The following NTRK3 variants were observed in gnomAD, a reference collection of about 807,000 sequenced individuals.
The protein encoded by NTRK3 is neurotrophic receptor tyrosine kinase 3, also known as NT-3 growth factor receptor.
Under a neutral mutation model 91.7 loss-of-function variants are expected in NTRK3, and 24 were observed. That is an observed-to-expected ratio of 0.26 (90% CI 0.19 to 0.37). The LOEUF (loss-of-function observed/expected upper bound fraction) is 0.37, where lower values mean the gene tolerates loss of function less well. Ranked by LOEUF, NTRK3 falls within the 10% of genes least tolerant of loss-of-function variation. The pLI, the probability that NTRK3 is intolerant of heterozygous loss-of-function variation, is 1.00. For synonymous variants in NTRK3, 483 were observed against 404.0 expected, an observed-to-expected ratio of 1.20 and a Z score of -2.34; for missense variants, 880 against 1,068.9, an observed-to-expected ratio of 0.82 and a Z score of 2.46.
Position 88,235,049 on chromosome 15 carries a change from G to A in NTRK3, c.248+20857C>T, listed in dbSNP as rs2051568883. On this transcript the variant is annotated intron_variant, in intron 3 of 18. Coordinates refer to ENST00000394480, the Ensembl canonical transcript of NTRK3. The surrounding 1 kb of genome is among the most constrained non-coding windows in gnomAD (Gnocchi z 5.2). ...AAGCTGGACAATCCATTCTCCGAGA[G>A]CCCAGACGCCCTACCCTTACACAAA... 2.6e-5 allele frequency among the ~76,000 whole-genome samples: 4 copies of A among 152,158 alleles called. No individual in the cohort carries two copies. Among genetic ancestry groups the A allele is most frequent in the Admixed American group, 2.0e-4 (3 of 15,280 alleles).
intron 14 of NTRK3, among the ~76,000 whole-genome samples, chr15:87,988,567 GCTAT>G (rs1328753585): frequency 6.6e-6 from 1 of 152,158 alleles, no homozygotes; most frequent in Non-Finnish European, 1.5e-5. Context: ...TATGTCTAAA[GCTAT>G]TTTAAAATAA....
At chr15:87,958,352 G>A (rs1400329100) in intron 14 of NTRK3, among the ~76,000 whole-genome samples, 1 of 152,108 alleles carries the variant, frequency 6.6e-6, no homozygotes, top group Non-Finnish European at 1.5e-5. Flanking sequence ...TATTCAGGGT[G>A]GAGCTCCAGT....
chr15:87,918,692 T>C (rs1243859682), intron 17 of NTRK3, among the ~76,000 whole-genome samples: 1 of 152,228 alleles, frequency 6.6e-6, no homozygotes, highest in Non-Finnish European at 1.5e-5. Context: ...TTTTATTTCC[T>C]TGTGTTCTAT....
intron 13 of NTRK3, chr15:88,099,280 G>A (rs992811642): frequency 2.2e-5 from 5 of 222,592 alleles, no homozygotes; most frequent in Non-Finnish European, 4.5e-5. Flanking sequence ...ACTGACTTTG[G>A]AAGGGAAAAG....
At chr15:88,183,645 TGGG>T (rs2046710777) in intron 4 of NTRK3, among the ~76,000 whole-genome samples, 156 bp from the exon 5 acceptor site, 2 of 152,208 alleles carry the variant, frequency 1.3e-5, no homozygotes, top group African/African-American at 4.8e-5. Flanking sequence ...GGTGGCCTGC[TGGG>T]GTTGCTCAGT....
intron 13 of NTRK3, among the ~76,000 whole-genome samples, chr15:88,095,217 T>C (rs2049460211): frequency 6.6e-6 from 1 of 152,252 alleles, no homozygotes; most frequent in South Asian, 2.1e-4. Context: ...CTTCTCAGAA[T>C]ATGCCCTGGT....
chr15:87,981,186 A>T (rs371139339), intron 14 of NTRK3: 16 of 1,553,140 alleles, frequency 1.0e-5, no homozygotes, highest in African/African-American at 1.4e-5. Context: ...TAGGGGAGGG[A>T]TCTTTACTGC....
intron 14 of NTRK3, among the ~76,000 whole-genome samples, chr15:87,967,501 C>T (rs2072892752): frequency 6.6e-6 from 1 of 152,194 alleles, no homozygotes; most frequent in South Asian, 2.1e-4. Context: ...GCGAGCCTCA[C>T]ATGTTCCTTA....
chr15:87,868,622 C>T (rs1239474639), exon 19 of NTRK3: 1 of 219,826 alleles, frequency 4.5e-6, no homozygotes, highest in Non-Finnish European at 9.1e-6. Flanking sequence ...CTGAATCTAA[C>T]CTGAAGGCCT....
chr15:88,074,424 T>A (rs2047358992), intron 13 of NTRK3, among the ~76,000 whole-genome samples: 1 of 152,176 alleles, frequency 6.6e-6, no homozygotes, highest in Non-Finnish European at 1.5e-5. Context: ...TTTAGTTAAT[T>A]TAAATTGCCC....
intron 14 of NTRK3, among the ~76,000 whole-genome samples, chr15:87,998,500 G>A (rs1007236248): frequency 6.6e-6 from 1 of 152,250 alleles, no homozygotes; most frequent in Non-Finnish European, 1.5e-5. Context: ...AGCTCTGGAA[G>A]TCCTGGGAGC....
intron 3 of NTRK3, among the ~76,000 whole-genome samples, chr15:88,213,256 T>C (rs146934500): frequency 3.3e-4 from 51 of 152,302 alleles, no homozygotes; most frequent in African/African-American, 1.2e-3. Flanking sequence ...CCCACCAGGA[T>C]TGAGTAACTT....
At chr15:88,191,283 G>A (rs1443960783) in intron 3 of NTRK3, among the ~76,000 whole-genome samples, 4 of 151,680 alleles carry the variant, frequency 2.6e-5, no homozygotes, top group East Asian at 3.9e-4. Flanking sequence ...TGCCTCCCAG[G>A]TTCAAGCAAT....
chr15:87,998,298 T>C (rs762803897), intron 14 of NTRK3, among the ~76,000 whole-genome samples: 6 of 152,212 alleles, frequency 3.9e-5, no homozygotes, highest in Non-Finnish European at 5.9e-5. Context: ...GCTAGCTGAG[T>C]TCCATGTTTA....
At chr15:88,236,481 T>C (rs1001869058) in intron 3 of NTRK3, among the ~76,000 whole-genome samples, 16 of 127,594 alleles carry the variant, frequency 1.3e-4, no homozygotes, top group Non-Finnish European at 2.3e-4. Flanking sequence ...AAGACCAGCC[T>C]GAGCAACAAA....
intron 5 of NTRK3, among the ~76,000 whole-genome samples, chr15:88,172,325 A>C (rs760333380): frequency 3.9e-5 from 6 of 152,258 alleles, no homozygotes; most frequent in Non-Finnish European, 8.8e-5. Context: ...TCATTTTCTA[A>C]ATCTGTCTTT....
At chr15:87,978,749 G>A (rs181594497) in intron 14 of NTRK3, 1 of 234,022 alleles carries the variant, frequency 4.3e-6, no homozygotes, top group East Asian at 6.0e-5. Context: ...TAAAGTGATT[G>A]GTTTCCATTC....
rs1340063109 is a variant in NTRK3 at position 88,237,873 on chromosome 15, T to C, written c.248+18033A>G. Among the ~76,000 whole-genome samples the C allele has an allele frequency of 6.6e-6, 1 of 152,238 alleles. No individual in the cohort carries two copies. Among genetic ancestry groups the C allele is most frequent in the Non-Finnish European group, 1.5e-5 (1 of 68,042 alleles). ...ATCAGGTATGCATTTTTTTGTTTTA[T>C]GATTGTTATAATATTTTTGTGTTCC... is the stretch of plus-strand genomic sequence containing the variant. On this transcript the variant is annotated intron_variant, in intron 3 of 18. Coordinates refer to ENST00000394480, the Ensembl canonical transcript of NTRK3. This position sits in a 1 kb window ranked among gnomAD's most constrained non-coding sequence, Gnocchi z 4.0.
At chr15:88,147,189 A>G (rs2151310103) in intron 6 of NTRK3, 146 bp downstream of exon 6, 1 of 728,698 alleles carries the variant, frequency 1.4e-6, no homozygotes, top group East Asian at 2.7e-5. Flanking sequence ...CTCACTGAAC[A>G]TGGTACACTC....
Sources: allele counts gnomAD v4.1 joint callset (sites outside exome capture counted in the v4.1 genomes callset), GRCh38; gene constraint gnomAD v4.1.1; non-coding constraint Gnocchi (gnomAD v3.1); transcripts MANE v1.5; gene names NCBI Gene and HGNC (gene_info 2026-07-23, HGNC 2026-07-21).